The following CDC42 variants were observed in gnomAD, a reference collection of about 807,000 sequenced individuals.
CDC42 encodes the protein cell division control protein 42 homolog.
In CDC42, 1 loss-of-function variant was observed where a neutral mutation model predicts 20.8. The ratio of observed to expected loss-of-function variants is 0.05; its 90% confidence interval spans 0.02 to 0.23. CDC42 has a LOEUF of 0.23. Among genes scored for constraint, CDC42 ranks in the 10% least tolerant of loss-of-function variants. The probability of loss-of-function intolerance (pLI) is 1.00; values close to 1 mark genes in which losing one functional copy is unlikely to be tolerated. For missense variants in CDC42, 49 were observed against 227.9 expected (o/e 0.21, Z 5.05); for synonymous variants, 72 against 84.8 (o/e 0.85, Z 0.83).
chr1:22,078,875 G>C, intron 2 of CDC42: 2 of 1,271,138 alleles, frequency 1.6e-6, no homozygotes, highest in Non-Finnish European at 1.0e-6. Context: ...CTACATCTTG[G>C]AATGAGGTGA....
At position 22,097,935 on chromosome 1, in the gene CDC42, T is replaced by G. The variant is rs1645767888; in HGVS notation, c.*6418T>G. ...ATGGATTTTGGGTCCACCATGCATCTCTGAAGTAGAAGTGACAGATTTTCA... is the reference window on the plus strand; with the variant it reads ...ATGGATTTTGGGTCCACCATGCATCGCTGAAGTAGAAGTGACAGATTTTCA... On this transcript the variant is annotated 3_prime_UTR_variant, in exon 6 of 6. Transcript: ENST00000656825. 6.6e-6 allele frequency among the ~76,000 whole-genome samples: 1 copy of G among 152,218 alleles called. No individual in the cohort carries two copies. Among genetic ancestry groups the G allele is most frequent in the Non-Finnish European group, 1.5e-5 (1 of 68,042 alleles).
chr1:22,064,688 A>G (rs1645402270), intron 1 of CDC42, among the ~76,000 whole-genome samples: 2 of 46,078 alleles, frequency 4.3e-5, no homozygotes, highest in Non-Finnish European at 7.4e-5. Flanking sequence ...CCTAGAGAAG[A>G]TTCTTTTTTT....
At chr1:22,077,223 TACTC>T (rs764470362) in intron 1 of CDC42, among the ~76,000 whole-genome samples, 10 of 152,174 alleles carry the variant, frequency 6.6e-5, no homozygotes, top group Non-Finnish European at 1.5e-4. Context: ...TCATGTGAGT[TACTC>T]ACACTAATGT....
intron 1 of CDC42, among the ~76,000 whole-genome samples, chr1:22,067,704 G>T (rs1645440223): frequency 6.6e-6 from 1 of 152,084 alleles, no homozygotes; most frequent in Non-Finnish European, 1.5e-5. Flanking sequence ...GAGCTCTCTG[G>T]GGTGTCTTAT....
chr1:22,087,497 C>T (rs1450327850), intron 5 of CDC42, among the ~76,000 whole-genome samples: 1 of 152,088 alleles, frequency 6.6e-6, no homozygotes, highest in Non-Finnish European at 1.5e-5. Flanking sequence ...AGATAGGGAG[C>T]AATGTTAGGG....
rs1645729633 is a variant in CDC42, at chr1:22,092,671, A to G, written c.*1154A>G. On this transcript the variant is annotated 3_prime_UTR_variant, in exon 6 of 6. Transcript: ENST00000656825. ...GGGAATCCCCTTATTTCTGTTTTGC[A>G]TATGAGGAACCCTAGAGCAGCCAGG... is the stretch of plus-strand genomic sequence containing the variant. The G allele has an allele frequency of 6.6e-6, 1 of 152,598 alleles. No homozygotes were observed. Among genetic ancestry groups the G allele is most frequent in the African/African-American group, 2.4e-5 (1 of 41,448 alleles). The allele number at this position is 152,598 out of a possible 1,614,324, so 9.5% of individuals were successfully genotyped here. A position where few individuals can be genotyped will look rare whatever the true frequency, so the allele number is the denominator to read the frequency against.
intron 1 of CDC42, among the ~76,000 whole-genome samples, chr1:22,056,573 C>G (rs1645306849): frequency 6.6e-6 from 1 of 152,068 alleles, no homozygotes; most frequent in Non-Finnish European, 1.5e-5. Context: ...TTTCTCATAC[C>G]TTCAGTCCAA....
chr1:22,084,335 G>GTTTTTTTTT (rs61584354), intron 3 of CDC42, among the ~76,000 whole-genome samples: 56 of 80,698 alleles, frequency 6.9e-4, no homozygotes, highest in East Asian at 1.3e-3. Flanking sequence ...CTTATTTCCT[G>GTTTTTTTTT]TTTTTTTTTT....
intron 5 of CDC42, chr1:22,089,951 G>A (rs1399410425): frequency 1.2e-6 from 2 of 1,613,816 alleles, no homozygotes; most frequent in African/African-American, 2.7e-5. Context: ...AGAGAGGTCT[G>A]AAGAATGTGT....
chr1:22,067,804 T>G (rs753603985), intron 1 of CDC42, among the ~76,000 whole-genome samples: 4 of 152,176 alleles, frequency 2.6e-5, no homozygotes, highest in Non-Finnish European at 4.4e-5. Context: ...AACGTCACAC[T>G]GGTGATCAGG....
chr1:22,066,774 C>A (rs1299235986), intron 1 of CDC42, among the ~76,000 whole-genome samples: 1 of 152,004 alleles, frequency 6.6e-6, no homozygotes, highest in Admixed American at 6.6e-5. Flanking sequence ...GTAAAGACTT[C>A]AAGGCATGGC....
chr1:22,070,335 T>C (rs1255822481), intron 1 of CDC42, among the ~76,000 whole-genome samples: 1 of 152,148 alleles, frequency 6.6e-6, no homozygotes, highest in African/African-American at 2.4e-5. Context: ...GGCATGCTTA[T>C]ACTGGTCCAA....
At chr1:22,056,449 G>A (rs16826243) in intron 1 of CDC42, among the ~76,000 whole-genome samples, 4,453 of 152,208 alleles carry the variant, frequency 0.029, 104 homozygotes, top group African/African-American at 0.062. Flanking sequence ...CTTAATGTTT[G>A]TTTCCTTATC....
chr1:22,061,653 C>T lies in CDC42; in HGVS notation c.-51+8911C>T, dbSNP rs1033051735. Among the ~76,000 whole-genome samples, 10 of 131,778 alleles carry T rather than the reference C, an allele frequency of 7.6e-5. No homozygotes were observed. The South Asian group carries it at 1.3e-3, about 17-fold the overall frequency. 86.5% of individuals were successfully genotyped at this position (131,778 alleles called of 152,430 possible). On this transcript the variant is annotated intron_variant, in intron 1 of 5. Transcript: ENST00000656825. ...CTGCCTCCCGGGTTCAAGCAATTCT[C>T]CTGCCTCACCCTCCTGAGTAGCTGG...
At chr1:22,053,352 C>T (rs1645258931) in intron 1 of CDC42, 1 of 151,840 alleles carries the variant, frequency 6.6e-6, no homozygotes, top group Admixed American at 6.6e-5. Flanking sequence ...CGGTGCCTGT[C>T]CGAGCTCCCC....
chr1:22,061,335 G>A (rs1401278329), intron 1 of CDC42, among the ~76,000 whole-genome samples: 2 of 151,526 alleles, frequency 1.3e-5, no homozygotes, highest in Non-Finnish European at 2.9e-5. Flanking sequence ...TTGAACCCGG[G>A]AGGTGGAGGT....
chr1:22,055,849 C>G (rs1019129620), intron 1 of CDC42, among the ~76,000 whole-genome samples: 3 of 140,154 alleles, frequency 2.1e-5, no homozygotes, highest in African/African-American at 8.0e-5. Context: ...TTTAAATGCA[C>G]TTCTCTATTG....
At chr1:22,087,965 A>G (rs1645677542) in intron 5 of CDC42, among the ~76,000 whole-genome samples, 1 of 152,212 alleles carries the variant, frequency 6.6e-6, no homozygotes, top group South Asian at 2.1e-4. Flanking sequence ...CTTAACTGGG[A>G]TATCCCTCAA....
At position 22,094,442 on chromosome 1, in the gene CDC42, C is replaced by T. The variant is rs890799182; in HGVS notation, c.*2925C>T. Among the ~76,000 whole-genome samples, 7 of 145,630 alleles carry T rather than the reference C, an allele frequency of 4.8e-5. No homozygotes were observed. Among genetic ancestry groups the T allele is most frequent in the African/African-American group, 1.3e-4 (5 of 38,106 alleles). ...CCTCCCGAGTAGCTGGGACTACCGG[C>T]GCCCGCTACCACGCCCGGCTAATTT... On this transcript the variant is annotated 3_prime_UTR_variant, in exon 6 of 6. Coordinates refer to ENST00000656825, the MANE Select transcript of CDC42 (RefSeq NM_001791.4).
Sources: allele counts gnomAD v4.1 joint callset (sites outside exome capture counted in the v4.1 genomes callset), GRCh38; gene constraint gnomAD v4.1.1; transcripts MANE v1.5; gene names NCBI Gene and HGNC (gene_info 2026-07-23, HGNC 2026-07-21).